LMAN2L: variants seen among roughly 807,000 people sequenced by gnomAD.
LMAN2L encodes VIP36-like protein.
LMAN2L carries 30 observed loss-of-function variants against 44.3 expected under a neutral mutation model. The ratio of observed to expected loss-of-function variants is 0.68; its 90% confidence interval spans 0.51 to 0.92. LMAN2L has a LOEUF of 0.92. Among genes scored for constraint, LMAN2L ranks in the 40% least tolerant of loss-of-function variants. The pLI is 0.00. For missense variants in LMAN2L, 429 were observed against 446.1 expected, an observed-to-expected ratio of 0.96 and a Z score of 0.35; for synonymous variants, 183 against 171.1, an observed-to-expected ratio of 1.07 and a Z score of -0.54.
intron 4 of LMAN2L, among the ~76,000 whole-genome samples, chr2:96,729,493 GATTTT>G (rs764292688): frequency 1.3e-4 from 20 of 151,680 alleles, no homozygotes; most frequent in Non-Finnish European, 2.8e-4. Context: ...AACAGCAAGT[GATTTT>G]ATTTTTTTTT....
At chr2:96,722,531 A>T (rs149947211) in intron 4 of LMAN2L, among the ~76,000 whole-genome samples, 244 of 152,292 alleles carry the variant, frequency 1.6e-3, no homozygotes, top group African/African-American at 5.7e-3. Context: ...GAGGAGGCGG[A>T]GCTCAGGCAG....
At chr2:96,713,261 TAA>T in intron 4 of LMAN2L, 1 of 779,174 alleles carries the variant, frequency 1.3e-6, no homozygotes, top group South Asian at 1.7e-5. Flanking sequence ...CAAACCAACT[TAA>T]ATCCCCAAAC....
At chr2:96,708,372 A>G (rs1480322736) in intron 6 of LMAN2L, among the ~76,000 whole-genome samples, 1 of 152,264 alleles carries the variant, frequency 6.6e-6, no homozygotes, top group Non-Finnish European at 1.5e-5. Context: ...ACTGTAGGCT[A>G]ATGTAAATGT....
intron 4 of LMAN2L, among the ~76,000 whole-genome samples, chr2:96,730,535 TAC>T (rs1042162153): frequency 2.6e-5 from 4 of 152,182 alleles, no homozygotes; most frequent in African/African-American, 9.7e-5. Flanking sequence ...ATGCCGAGGC[TAC>T]AGTGTTAATA....
intron 4 of LMAN2L, among the ~76,000 whole-genome samples, chr2:96,721,335 T>C (rs976814982): frequency 8.8e-5 from 13 of 147,304 alleles, no homozygotes; most frequent in Non-Finnish European, 1.5e-4. Context: ...TCTTTTTTTT[T>C]TTTTTTTTTT....
intron 4 of LMAN2L, among the ~76,000 whole-genome samples, chr2:96,717,627 G>A (rs987540308): frequency 6.6e-6 from 1 of 151,780 alleles, no homozygotes; most frequent in Non-Finnish European, 1.5e-5. Context: ...ATCACCTGAG[G>A]TCGGGAGTTC....
At chr2:96,726,257 A>C (rs1201987929) in intron 4 of LMAN2L, among the ~76,000 whole-genome samples, 1 of 151,282 alleles carries the variant, frequency 6.6e-6, no homozygotes, top group African/African-American at 2.4e-5. Context: ...TAGTAGTTCT[A>C]ATAGGTTTTT....
chr2:96,730,249 A>G (rs953986641), intron 4 of LMAN2L, among the ~76,000 whole-genome samples: 8 of 152,224 alleles, frequency 5.3e-5, no homozygotes, highest in East Asian at 1.9e-4. Context: ...CCTAAAGCTG[A>G]TAACTCTTAT....
intron 4 of LMAN2L, among the ~76,000 whole-genome samples, chr2:96,733,244 A>C (rs2078444508): frequency 6.6e-6 from 1 of 152,150 alleles, no homozygotes; most frequent in African/African-American, 2.4e-5. Flanking sequence ...AATCAACCAA[A>C]CATGCTCAAT....
At chr2:96,726,657 G>A (rs899106837) in intron 4 of LMAN2L, among the ~76,000 whole-genome samples, 4 of 151,944 alleles carry the variant, frequency 2.6e-5, no homozygotes, top group African/African-American at 7.3e-5. Flanking sequence ...GGTGGTGGGC[G>A]CCTGTAATCC....
chr2:96,724,256 G>C (rs1017601179), intron 4 of LMAN2L, among the ~76,000 whole-genome samples: 1 of 152,168 alleles, frequency 6.6e-6, no homozygotes, highest in Non-Finnish European at 1.5e-5. Context: ...AAATCAGGAA[G>C]TGTGAGCATT....
intron 4 of LMAN2L, among the ~76,000 whole-genome samples, chr2:96,720,871 G>A (rs2078137705): frequency 6.6e-6 from 1 of 152,062 alleles, no homozygotes; most frequent in Non-Finnish European, 1.5e-5. Context: ...CCTGGGAGAT[G>A]GACGTTGCAG....
intron 4 of LMAN2L, among the ~76,000 whole-genome samples, chr2:96,713,483 G>A (rs574925546): frequency 6.6e-6 from 1 of 152,294 alleles, no homozygotes; most frequent in African/African-American, 2.4e-5. Context: ...ATAGCAGTAC[G>A]CTGTCCAGGC....
At chr2:96,735,441 T>C (rs903125851) in intron 2 of LMAN2L, among the ~76,000 whole-genome samples, 3 of 152,216 alleles carry the variant, frequency 2.0e-5, no homozygotes, top group African/African-American at 7.2e-5. Flanking sequence ...TGAAAGGGGA[T>C]TGGGTACTCC....
intron 4 of LMAN2L, among the ~76,000 whole-genome samples, chr2:96,714,173 A>G (rs1325012268): frequency 1.3e-5 from 2 of 152,226 alleles, no homozygotes; most frequent in African/African-American, 2.4e-5. Flanking sequence ...GGGCAAGGGA[A>G]CCTCTCCCTG....
chr2:96,720,056 T>C (rs2078118756), intron 4 of LMAN2L, among the ~76,000 whole-genome samples: 1 of 151,774 alleles, frequency 6.6e-6, no homozygotes, highest in Admixed American at 6.6e-5. Flanking sequence ...CTTGAGGAAA[T>C]GTTTTTTTAA....
chr2:96,710,880 A>C (rs2077899991), intron 6 of LMAN2L, among the ~76,000 whole-genome samples: 4 of 152,206 alleles, frequency 2.6e-5, no homozygotes, highest in Non-Finnish European at 5.9e-5. Flanking sequence ...ACAGAAGTTC[A>C]GTTCCTTTTC....
chr2:96,707,606 C>T, intron 7 of LMAN2L, 108 bp downstream of exon 7: 1 of 1,395,078 alleles, frequency 7.2e-7, no homozygotes, highest in Non-Finnish European at 9.8e-7. Context: ...GTGCTCCCTA[C>T]CCTTCAGAAG....
In LMAN2L at chr2:96,711,684, G is replaced by A. The variant is rs1351038741; in HGVS notation, c.756C>T (p.Gly252=). The change falls in exon 6 of 8, where the codon GGC becomes GGT. Residue 252 remains glycine, a synonymous_variant. Coordinates refer to ENST00000264963, the MANE Select transcript of LMAN2L (RefSeq NM_030805.4). ...AGAGATCCCCAGTGATGGAGGAGGT[G>A]CCGAAGTAGTAGCCGCGGGGCAGGC... The part of the protein sequence containing the change: ...GVRLPRGYYF[G]TSSITGDLSD... 1 of 1,613,786 alleles carries A rather than the reference G, an allele frequency of 6.2e-7. No individual in the cohort carries two copies. Among genetic ancestry groups the A allele is most frequent in the Non-Finnish European group, 8.5e-7 (1 of 1,179,810 alleles).
Sources: gnomAD v4.1 joint callset for allele counts (sites outside exome capture counted in the v4.1 genomes callset) on GRCh38, gnomAD v4.1.1 for gene constraint, MANE v1.5 for transcripts, NCBI Gene and HGNC (gene_info 2026-07-23, HGNC 2026-07-21) for gene names.